The following AKAP10 variants were observed in gnomAD, a reference collection of about 807,000 sequenced individuals.
AKAP10 encodes the protein A-kinase anchoring protein 10, also known as A-kinase anchor protein 10, mitochondrial.
In AKAP10, 24 loss-of-function variants were observed where a neutral mutation model predicts 80.8. The ratio of observed to expected loss-of-function variants is 0.30; its 90% CI spans 0.22 to 0.42. AKAP10 has a LOEUF of 0.42. Ranked by LOEUF, AKAP10 falls within the 10% of genes least tolerant of loss-of-function variation. The pLI is 1.00. For missense variants in AKAP10, 661 were observed against 794.9 expected, an observed-to-expected ratio of 0.83 and a Z score of 2.03; for synonymous variants, 291 against 277.7, an observed-to-expected ratio of 1.05 and a Z score of -0.48.
At chr17:19,914,305 A>T (rs910612050) in intron 12 of AKAP10, among the ~76,000 whole-genome samples, 4 of 152,176 alleles carry the variant, frequency 2.6e-5, no homozygotes, top group Non-Finnish European at 5.9e-5. Flanking sequence ...CAGCTGAGAA[A>T]TAAGCTATAA....
chr17:19,924,929 T>C (rs1294114066), intron 10 of AKAP10, among the ~76,000 whole-genome samples: 1 of 152,026 alleles, frequency 6.6e-6, no homozygotes, highest in Non-Finnish European at 1.5e-5. Flanking sequence ...TTTGGGAGGC[T>C]GAGGCAGGCC....
chr17:19,924,730 G>A (rs1014444236), intron 10 of AKAP10, among the ~76,000 whole-genome samples: 2 of 152,008 alleles, frequency 1.3e-5, no homozygotes, highest in African/African-American at 4.8e-5. Flanking sequence ...TGTACATGCC[G>A]GGCACAGTGA....
intron 1 of AKAP10, among the ~76,000 whole-genome samples, chr17:19,972,632 T>C (rs948804732): frequency 6.6e-6 from 1 of 152,162 alleles, no homozygotes; most frequent in Non-Finnish European, 1.5e-5. Context: ...ATGTTTTGTA[T>C]TTTTAGTAGA....
chr17:19,931,736 T>C, intron 10 of AKAP10, 69 bp downstream of exon 10: 3 of 1,480,796 alleles, frequency 2.0e-6, no homozygotes, highest in Non-Finnish European at 2.7e-6. Context: ...TAATAGGATC[T>C]GTTACTGGGA....
rs2042619269 is a variant in AKAP10, at chr17:19,905,115, T to C, written c.*1112A>G. The stretch of plus-strand genomic sequence containing the variant: ...TCAATCATGTGCATTGAGGAAGCGC[T>C]GGCGCCACGTGGTCAATGGAGTGTG... On this transcript the variant is annotated 3_prime_UTR_variant, in exon 15 of 15. Transcript: ENST00000225737. 1 of 151,944 alleles carries C rather than the reference T, an allele frequency of 6.6e-6. No homozygotes were observed. Among genetic ancestry groups the C allele is most frequent in the African/African-American group, 2.4e-5 (1 of 41,360 alleles). 9.4% of individuals were successfully genotyped at this position (151,944 alleles called of 1,614,324 possible).
intron 12 of AKAP10, among the ~76,000 whole-genome samples, chr17:19,917,738 T>C (rs1297716527): frequency 3.3e-5 from 5 of 151,700 alleles, no homozygotes; most frequent in Non-Finnish European, 5.9e-5. Context: ...ATGGTCAACA[T>C]AGCAAAACCC....
At chr17:19,927,299 A>AC (rs1179154421) in intron 10 of AKAP10, among the ~76,000 whole-genome samples, 1 of 152,160 alleles carries the variant, frequency 6.6e-6, no homozygotes, top group Admixed American at 6.6e-5. Context: ...GTGCCACTGC[A>AC]CTCCAGCCTG....
chr17:19,953,677 A>C (rs2043240267), intron 4 of AKAP10, among the ~76,000 whole-genome samples: 1 of 152,232 alleles, frequency 6.6e-6, no homozygotes, highest in Non-Finnish European at 1.5e-5. Context: ...CAGATAACTT[A>C]AATAGTCCTA....
intron 9 of AKAP10, among the ~76,000 whole-genome samples, chr17:19,932,997 T>C (rs2042953598): frequency 6.6e-6 from 1 of 152,130 alleles, no homozygotes. Flanking sequence ...TTTATGTTCG[T>C]ATTTAATACG....
intron 3 of AKAP10, 150 bp from the exon 4 acceptor site, chr17:19,958,721 A>T (rs896859239): frequency 9.2e-6 from 6 of 650,972 alleles, no homozygotes; most frequent in Non-Finnish European, 1.5e-5. Context: ...AACTACAAAT[A>T]CTATGCTTTT....
chr17:19,969,905 G>C (rs896574918), intron 1 of AKAP10, among the ~76,000 whole-genome samples: 1 of 152,176 alleles, frequency 6.6e-6, no homozygotes, highest in African/African-American at 2.4e-5. Context: ...CCTCTCAGCA[G>C]CATCTGCCCA....
chr17:19,964,586 C>T (rs2043393583), intron 2 of AKAP10, among the ~76,000 whole-genome samples: 1 of 151,752 alleles, frequency 6.6e-6, no homozygotes. Context: ...TCCTTTGCTT[C>T]CCACCAAAAT....
chr17:19,949,781 GAAAAAA>G (rs35398779), intron 4 of AKAP10, among the ~76,000 whole-genome samples: 3 of 117,198 alleles, frequency 2.6e-5, no homozygotes, highest in African/African-American at 8.6e-5. Context: ...AAAAAAAAGA[GAAAAAA>G]AAAAAAAAAC....
In AKAP10 at chr17:19,941,910, G is replaced by A; in HGVS notation, c.977C>T (p.Ala326Val). Residue 326 changes from alanine (A) to valine (V), a missense_variant and splice_region_variant, in exon 6 of 15, where the codon GCA becomes GTA. Coordinates refer to ENST00000225737, the MANE Select transcript of AKAP10 (RefSeq NM_007202.4). ...CTGTCCATCTTCTCCACAAATCCTT[G>A]CTGCAAAAGAAGTTGTAAATAATTA... ...ITEAMRNDII[A>V]RICGEDGQVD... 6.2e-7 allele frequency: 1 copy of A among 1,608,876 alleles called. No individual in the cohort carries two copies. The highest frequency in any genetic ancestry group is 8.5e-7 in the Non-Finnish European group (1 of 1,177,646).
At chr17:19,932,926 A>G (rs1431355221) in intron 9 of AKAP10, among the ~76,000 whole-genome samples, 1 of 152,162 alleles carries the variant, frequency 6.6e-6, no homozygotes, top group Non-Finnish European at 1.5e-5. Context: ...ACGAAGGAAA[A>G]GTTTGTAACT....
At chr17:19,966,830 A>G (rs139442637) in intron 2 of AKAP10, among the ~76,000 whole-genome samples, 1 of 152,240 alleles carries the variant, frequency 6.6e-6, no homozygotes, top group African/African-American at 2.4e-5. Context: ...TCCTTCTACT[A>G]CAGTCAGATC....
intron 3 of AKAP10, among the ~76,000 whole-genome samples, 191 bp downstream of exon 3, chr17:19,962,649 A>C (rs758388357): frequency 2.2e-4 from 33 of 152,102 alleles, no homozygotes; most frequent in Non-Finnish European, 2.4e-4. Context: ...TTGTTTTTCT[A>C]CTGGGCATGC....
chr17:19,975,739 C>A (rs1454265089), intron 1 of AKAP10, among the ~76,000 whole-genome samples: 1 of 152,132 alleles, frequency 6.6e-6, no homozygotes, highest in Non-Finnish European at 1.5e-5. Context: ...ACTACTCAAT[C>A]GTGAGGGCCT....
intron 10 of AKAP10, among the ~76,000 whole-genome samples, chr17:19,930,230 T>C (rs1175842748): frequency 6.6e-6 from 1 of 152,122 alleles, no homozygotes; most frequent in Admixed American, 6.6e-5. Flanking sequence ...ATTAGAAAAT[T>C]ATTATGCTAC....
Sources: gnomAD v4.1 joint callset for allele counts (sites outside exome capture counted in the v4.1 genomes callset) on GRCh38, gnomAD v4.1.1 for gene constraint, MANE v1.5 for transcripts, NCBI Gene and HGNC (gene_info 2026-07-23, HGNC 2026-07-21) for gene names.